Variants in ATP6V0A4 observed in about 807,000 individuals in gnomAD.
ATP6V0A4 encodes V-type proton ATPase 116 kDa subunit a 4.
Under a neutral mutation model 107.3 loss-of-function variants are expected in ATP6V0A4, and 86 were observed. The ratio of observed to expected loss-of-function variants is 0.80; its 90% CI spans 0.67 to 0.96. ATP6V0A4 has a LOEUF of 0.96. Ranked by LOEUF, ATP6V0A4 falls within the 40% of genes least tolerant of loss-of-function variation. ATP6V0A4 has a pLI of 0.00. For missense variants in ATP6V0A4, 908 were observed against 1,045.6 expected (o/e 0.87, Z 1.81); for synonymous variants, 353 against 381.4 (o/e 0.93, Z 0.87).
chr7:138,714,559 T>TAGACAGAC (rs58118736), intron 20 of ATP6V0A4, among the ~76,000 whole-genome samples: 1 of 148,516 alleles, frequency 6.7e-6, no homozygotes, highest in East Asian at 2.0e-4. Context: ...GATAGATAGA[T>TAGACAGAC]AGACAGACAG....
At chr7:138,727,875 A>AC (rs1197064608) in intron 18 of ATP6V0A4, among the ~76,000 whole-genome samples, 5 of 152,056 alleles carry the variant, frequency 3.3e-5, no homozygotes, top group Admixed American at 6.6e-5. Flanking sequence ...ACTCTGCTTC[A>AC]CCCCCCTAGT....
chr7:138,760,804 T>G (rs1251066468), intron 7 of ATP6V0A4, among the ~76,000 whole-genome samples: 1 of 152,156 alleles, frequency 6.6e-6, no homozygotes, highest in Non-Finnish European at 1.5e-5. Context: ...TAAAAAATCA[T>G]AAATCCCAAA....
At chr7:138,761,246 C>A (rs1384986712) in intron 7 of ATP6V0A4, among the ~76,000 whole-genome samples, 1 of 152,088 alleles carries the variant, frequency 6.6e-6, no homozygotes, top group Admixed American at 6.6e-5. Context: ...GTAGGAAGAT[C>A]ACTTGAGCCT....
At chr7:138,796,375 T>C (rs1808662531) in intron 1 of ATP6V0A4, among the ~76,000 whole-genome samples, 1 of 152,124 alleles carries the variant, frequency 6.6e-6, no homozygotes, top group African/African-American at 2.4e-5. Context: ...TTTTATATCT[T>C]AGAGCCAATT....
At chr7:138,774,776 C>T (rs1807580716) in intron 2 of ATP6V0A4, among the ~76,000 whole-genome samples, 1 of 151,118 alleles carries the variant, frequency 6.6e-6, no homozygotes. Context: ...AAAAATATCA[C>T]ACTCACCATC....
rs1306207556 is a variant in ATP6V0A4 at position 138,747,554 on chromosome 7, G to A, written c.1191C>T (p.Thr397=). Residue 397 remains threonine, a synonymous_variant, in exon 13 of 22, where the codon ACC becomes ACT. Transcript: ENST00000310018. ...SYREINPAPY[T]IITFPFLFAV... is the part of the protein sequence containing the mutation. ...CGAACAGGAAGGGGAAAGTGATGATGGTGTAGGGGGCTGCGGAGGGGAGAC... is the reference window on the plus strand; with the variant it reads ...CGAACAGGAAGGGGAAAGTGATGATAGTGTAGGGGGCTGCGGAGGGGAGAC... 6.2e-7 allele frequency: 1 copy of A among 1,613,930 alleles called. No individual in the cohort carries two copies. Among genetic ancestry groups the A allele is most frequent in the Non-Finnish European group, 8.5e-7 (1 of 1,180,022 alleles).
intron 2 of ATP6V0A4, among the ~76,000 whole-genome samples, chr7:138,777,300 G>T (rs1161296474): frequency 6.6e-6 from 1 of 151,834 alleles, no homozygotes; most frequent in Non-Finnish European, 1.5e-5. Context: ...CAGGGAAATG[G>T]CATGACCTGG....
chr7:138,797,882 C>A, intron 1 of ATP6V0A4, 152 bp downstream of exon 1: 1 of 1,112,794 alleles, frequency 9.0e-7, no homozygotes, highest in Non-Finnish European at 1.3e-6. Context: ...CTTCCTCAGC[C>A]AACGGTTTGG....
chr7:138,772,733 C>A (rs1350909152), intron 2 of ATP6V0A4, among the ~76,000 whole-genome samples: 1 of 152,164 alleles, frequency 6.6e-6, no homozygotes, highest in Non-Finnish European at 1.5e-5. Context: ...GGGAACGGAG[C>A]CCTGGTCATC....
In ATP6V0A4 at chr7:138,794,191, C is replaced by T. The variant is rs73729910; in HGVS notation, c.-121+3843G>A. 9.3e-3 allele frequency among the ~76,000 whole-genome samples: 1,416 copies of T among 152,198 alleles called. 20 individuals are homozygous for T. Among genetic ancestry groups the T allele is most frequent in the African/African-American group, 0.032 (1,337 of 41,528 alleles). ...TTGTAAAAACAGATCCTGACAGAGCCAGGAGCAAGAAGAGCCATCAACCCC... is the reference window on the plus strand; with the variant it reads ...TTGTAAAAACAGATCCTGACAGAGCTAGGAGCAAGAAGAGCCATCAACCCC... On this transcript the variant is annotated intron_variant, in intron 1 of 21. Coordinates refer to ENST00000310018, the MANE Select transcript of ATP6V0A4 (RefSeq NM_020632.3).
chr7:138,708,838 C>G (rs920139831), intron 21 of ATP6V0A4, among the ~76,000 whole-genome samples: 2 of 152,212 alleles, frequency 1.3e-5, no homozygotes, highest in East Asian at 1.9e-4. Flanking sequence ...CTTTGGGAGG[C>G]TGAGGCAGAT....
At chr7:138,718,676 CGGGGGGG>C (rs551633118) in intron 19 of ATP6V0A4, among the ~76,000 whole-genome samples, 2 of 4,760 alleles carry the variant, frequency 4.2e-4, no homozygotes, top group Non-Finnish European at 8.3e-4. Context: ...GAATTCGGGG[CGGGGGGG>C]GGGGGTGCAG....
In ATP6V0A4 at chr7:138,745,356, T is replaced by TA. The variant is rs1805861259; in HGVS notation, c.1321-77dup. The TA allele has an allele frequency of 1.9e-6, 3 of 1,605,480 alleles. No homozygotes were observed. The Admixed American group carries it at 5.0e-5, about 27-fold the overall frequency. ...CCCCAGAGGGAAGCGTTCTACAGGA[T>TA]ATCTCCAGCATCACCGGTGCAGGCA... On this transcript the variant is annotated intron_variant, in intron 13 of 21. Transcript: ENST00000310018.
intron 2 of ATP6V0A4, among the ~76,000 whole-genome samples, chr7:138,776,688 T>C (rs1414039956): frequency 6.6e-6 from 1 of 152,112 alleles, no homozygotes; most frequent in East Asian, 1.9e-4. Flanking sequence ...CAGGAACATG[T>C]GGAGAAAAGA....
intron 1 of ATP6V0A4, among the ~76,000 whole-genome samples, chr7:138,790,978 C>G (rs992952028): frequency 6.6e-6 from 1 of 151,710 alleles, no homozygotes; most frequent in Non-Finnish European, 1.5e-5. Context: ...ACCAGGTATG[C>G]AAAGAAACAT....
rs57692175 is a variant in ATP6V0A4, at chr7:138,732,851, TAA to T, written c.1908+24_1908+25del. ...CATAATCAAGTAAATAAAAGAAGAG[TAA>T]AAAAAAAAAAATAGCAGAAATACCT... is the stretch of plus-strand genomic sequence containing the variant. On this transcript the variant is annotated intron_variant, in intron 17 of 21. Coordinates refer to ENST00000310018, the MANE Select transcript of ATP6V0A4 (RefSeq NM_020632.3). 8.8e-4 allele frequency: 1,229 copies of T among 1,394,394 alleles called. 1 individual carries two copies. In the African/African-American group the frequency reaches 9.7e-3, roughly 11 times the overall value. 86.4% of individuals were successfully genotyped at this position (1,394,394 alleles called of 1,614,324 possible). A position where few individuals can be genotyped will look rare whatever the true frequency, so the allele number is the denominator to read the frequency against.
At chr7:138,795,154 A>T (rs1472575540) in intron 1 of ATP6V0A4, among the ~76,000 whole-genome samples, 1 of 152,132 alleles carries the variant, frequency 6.6e-6, no homozygotes, top group Non-Finnish European at 1.5e-5. Flanking sequence ...CACCTGCCTC[A>T]GTTTCCCAAA....
intron 21 of ATP6V0A4, among the ~76,000 whole-genome samples, chr7:138,708,017 T>TTTTA (rs377141085): frequency 0.16 from 22,752 of 139,896 alleles, 2,040 homozygotes; most frequent in Middle Eastern, 0.23. Context: ...TTATGTTTTA[T>TTTTA]TTTATTTATT....
chr7:138,728,640 C>T lies in ATP6V0A4; in HGVS notation c.2010+121G>A, dbSNP rs766904950. The T allele has an allele frequency of 1.6e-5, 23 of 1,397,064 alleles. 1 individual carries two copies. The Admixed American group carries it at 2.4e-4, about 14-fold the overall frequency. The allele number at this position is 1,397,064 out of a possible 1,614,324, so 86.5% of individuals were successfully genotyped here. On this transcript the variant is annotated intron_variant, in intron 18 of 21. Coordinates refer to ENST00000310018, the MANE Select transcript of ATP6V0A4 (RefSeq NM_020632.3). ...GAAACATACTCAGGGCGGGTCAGTT[C>T]CTCAACACCATTCTTCTGGCCCTGG...
Sources: allele counts gnomAD v4.1 joint callset (sites outside exome capture counted in the v4.1 genomes callset), GRCh38; gene constraint gnomAD v4.1.1; transcripts MANE v1.5; gene names NCBI Gene and HGNC (gene_info 2026-07-23, HGNC 2026-07-21).